Variants in UMAD1 observed in about 807,000 individuals in gnomAD.
The protein encoded by UMAD1 is UBAP1-MVB12-associated (UMA)-domain containing protein 1.
UMAD1 carries 8 observed loss-of-function variants against 6.1 expected under a neutral mutation model. The observed-to-expected ratio is 1.30, with a 90% CI of 0.76 to 2.35. The LOEUF is 2.35. Among genes scored for constraint, UMAD1 ranks in the 30% most tolerant of loss-of-function variants. The pLI, the probability that UMAD1 is intolerant of heterozygous loss-of-function variation, is 0.00. For synonymous variants in UMAD1, 56 were observed against 31.4 expected (o/e 1.78, Z -2.61); for missense variants, 130 against 78.4 (o/e 1.66, Z -2.49).
At chr7:7,715,282 A>G (rs1583767579) in intron 2 of UMAD1, 1 of 152,192 alleles carries the variant, frequency 6.6e-6, no homozygotes, top group Admixed American at 6.5e-5. Context: ...CACCAGATTT[A>G]TGAATACAGT....
chr7:7,740,955 C>A (rs1407052478), intron 2 of UMAD1: 1 of 152,098 alleles, frequency 6.6e-6, no homozygotes, highest in African/African-American at 2.4e-5. Context: ...CATGTCTGCC[C>A]TTTGTGGGAA....
At chr7:7,747,795 T>A (rs1781600649) in intron 2 of UMAD1, among the ~76,000 whole-genome samples, 1 of 152,210 alleles carries the variant, frequency 6.6e-6, no homozygotes, top group African/African-American at 2.4e-5. Flanking sequence ...TTATTTTCAG[T>A]TTAACAAATA....
intron 2 of UMAD1, among the ~76,000 whole-genome samples, chr7:7,700,714 C>G (rs1323787534): frequency 6.6e-5 from 10 of 152,168 alleles, no homozygotes; most frequent in African/African-American, 2.4e-5. Flanking sequence ...ATGGCAAAAC[C>G]CTGTCTCTAC....
At chr7:7,662,604 G>T (rs1583706429) in intron 1 of UMAD1, among the ~76,000 whole-genome samples, 1 of 152,102 alleles carries the variant, frequency 6.6e-6, no homozygotes, top group South Asian at 2.1e-4. Flanking sequence ...TGGGTGAGGC[G>T]ACACCCCACC....
At chr7:7,752,295 A>G (rs1781692774) in intron 2 of UMAD1, among the ~76,000 whole-genome samples, 1 of 152,188 alleles carries the variant, frequency 6.6e-6, no homozygotes, top group African/African-American at 2.4e-5. Flanking sequence ...TTGAAAACTT[A>G]GTTAATAAAA....
intron 3 of UMAD1, among the ~76,000 whole-genome samples, chr7:7,817,470 A>G (rs926594297): frequency 3.3e-5 from 5 of 152,250 alleles, no homozygotes; most frequent in African/African-American, 1.2e-4. Context: ...TTTCGGTGCT[A>G]GAGTAATGGG....
chr7:7,653,030 C>A, intron 1 of UMAD1, among the ~76,000 whole-genome samples: 1 of 152,208 alleles, frequency 6.6e-6, no homozygotes, highest in East Asian at 1.9e-4. Context: ...AGAGGTGTGA[C>A]CTCACATCCC....
intron 2 of UMAD1, among the ~76,000 whole-genome samples, chr7:7,767,672 T>TA (rs1563190182): frequency 6.6e-6 from 1 of 152,192 alleles, no homozygotes; most frequent in Admixed American, 6.5e-5. Context: ...AGGGGCCAGG[T>TA]ACTGGTTTGA....
At chr7:7,661,728 A>G (rs543702773) in intron 1 of UMAD1, among the ~76,000 whole-genome samples, 100 of 152,260 alleles carry the variant, frequency 6.6e-4, no homozygotes, top group African/African-American at 2.2e-3. Flanking sequence ...GCTCTCCTCT[A>G]TGAGGTGTCT....
chr7:7,747,802 A>G (rs1377310802), intron 2 of UMAD1, among the ~76,000 whole-genome samples: 1 of 152,200 alleles, frequency 6.6e-6, no homozygotes, highest in Admixed American at 6.5e-5. Flanking sequence ...CAGTTTAACA[A>G]ATAATTTTCC....
At chr7:7,758,697 T>C (rs1459148431) in intron 2 of UMAD1, among the ~76,000 whole-genome samples, 1 of 152,228 alleles carries the variant, frequency 6.6e-6, no homozygotes, top group African/African-American at 2.4e-5. Flanking sequence ...TATTCTGCAA[T>C]TTACCTTCTT....
chr7:7,817,059 C>A (rs1010086601), intron 3 of UMAD1, among the ~76,000 whole-genome samples: 1 of 152,174 alleles, frequency 6.6e-6, no homozygotes, highest in Non-Finnish European at 1.5e-5. Context: ...TTCTGTGTCA[C>A]CATACAGAGT....
chr7:7,672,474 C>G (rs1779630674), intron 1 of UMAD1, among the ~76,000 whole-genome samples: 1 of 152,146 alleles, frequency 6.6e-6, no homozygotes, highest in African/African-American at 2.4e-5. Context: ...ATAATGGGTA[C>G]TGATATGGTT....
intron 2 of UMAD1, among the ~76,000 whole-genome samples, chr7:7,778,277 AGAGAGAG>A (rs1782266479): frequency 6.5e-5 from 7 of 108,426 alleles, no homozygotes; most frequent in Admixed American, 3.1e-4. Flanking sequence ...TGTGTGTGTG[AGAGAGAG>A]AGAGAGAGAG....
At chr7:7,670,499 G>A (rs937922982) in intron 1 of UMAD1, among the ~76,000 whole-genome samples, 2 of 152,136 alleles carry the variant, frequency 1.3e-5, no homozygotes, top group African/African-American at 2.4e-5. Context: ...CAGCCCTAAC[G>A]ATTCGGTGGT....
intron 2 of UMAD1, among the ~76,000 whole-genome samples, chr7:7,719,439 A>C (rs1780998085): frequency 6.6e-6 from 1 of 152,256 alleles, no homozygotes. Context: ...AGTGTAGTAC[A>C]ATAAGCCAGC....
At chr7:7,791,709 C>T (rs969517943) in intron 2 of UMAD1, among the ~76,000 whole-genome samples, 2 of 152,118 alleles carry the variant, frequency 1.3e-5, no homozygotes, top group East Asian at 1.9e-4. Context: ...AAGAGCAGAC[C>T]GGTAGGACTG....
At chr7:7,750,830 G>A (rs1253930558) in intron 2 of UMAD1, among the ~76,000 whole-genome samples, 1 of 152,166 alleles carries the variant, frequency 6.6e-6, no homozygotes, top group African/African-American at 2.4e-5. Flanking sequence ...TTTTTCAGAT[G>A]TTTCAGAATT....
At chr7:7,678,101 C>T (rs925094018) in intron 2 of UMAD1, among the ~76,000 whole-genome samples, 6 of 151,250 alleles carry the variant, frequency 4.0e-5, no homozygotes, top group Non-Finnish European at 8.8e-5. Context: ...GGGTATGTAC[C>T]CAGCAATAGA....
Sources: allele counts gnomAD v4.1 joint callset (sites outside exome capture counted in the v4.1 genomes callset), GRCh38; gene constraint gnomAD v4.1.1; transcripts MANE v1.5; gene names NCBI Gene and HGNC (gene_info 2026-07-23, HGNC 2026-07-21).